SMAP1: variants seen among roughly 807,000 people sequenced by gnomAD.
The protein encoded by SMAP1 is stromal membrane-associated protein 1.
Under a neutral mutation model 58.5 loss-of-function variants are expected in SMAP1, and 24 were observed. The observed-to-expected ratio is 0.41, with a 90% CI of 0.30 to 0.58. The LOEUF (loss-of-function observed/expected upper bound fraction) is 0.58, where lower values mean the gene tolerates loss of function less well. Ranked by LOEUF, SMAP1 falls within the 20% of genes least tolerant of loss-of-function variation. SMAP1 has a pLI of 0.29. For synonymous variants in SMAP1, 216 were observed against 196.6 expected, an observed-to-expected ratio of 1.10 and a Z score of -0.82; for missense variants, 563 against 566.3, an observed-to-expected ratio of 0.99 and a Z score of 0.06.
chr6:70,799,803 A>G (rs1450792394), intron 6 of SMAP1, among the ~76,000 whole-genome samples: 3 of 152,220 alleles, frequency 2.0e-5, no homozygotes, highest in South Asian at 2.1e-4. Flanking sequence ...GAATTTCTGC[A>G]TCATAAAGTA....
intron 2 of SMAP1, among the ~76,000 whole-genome samples, chr6:70,748,958 A>T (rs1458999821): frequency 1.3e-5 from 2 of 152,016 alleles, no homozygotes; most frequent in Non-Finnish European, 1.5e-5. Flanking sequence ...CATAGGTAGG[A>T]CTCTTCTTTC....
intron 1 of SMAP1, among the ~76,000 whole-genome samples, chr6:70,720,238 C>T (rs1768461476): frequency 6.6e-6 from 1 of 152,160 alleles, no homozygotes; most frequent in South Asian, 2.1e-4. Context: ...TCCAGCAGAG[C>T]AGTCAAATTT....
At chr6:70,816,358 G>A (rs1287202276) in intron 6 of SMAP1, among the ~76,000 whole-genome samples, 10 of 152,112 alleles carry the variant, frequency 6.6e-5, no homozygotes, top group Non-Finnish European at 4.4e-5. Flanking sequence ...CTTCATTTTA[G>A]TAAGATGAAA....
chr6:70,841,324 G>A (rs780253038), intron 7 of SMAP1, among the ~76,000 whole-genome samples: 3 of 152,150 alleles, frequency 2.0e-5, no homozygotes, highest in African/African-American at 4.8e-5. Flanking sequence ...GAGCAGCCTG[G>A]TTCCTTGTCA....
chr6:70,856,156 T>C (rs1176284918), intron 8 of SMAP1, among the ~76,000 whole-genome samples: 1 of 152,256 alleles, frequency 6.6e-6, no homozygotes, highest in Non-Finnish European at 1.5e-5. Flanking sequence ...GTTTAGTGAC[T>C]ACGGAGATGA....
At chr6:70,858,351 A>T in intron 10 of SMAP1, 122 bp downstream of exon 10, 2 of 814,180 alleles carry the variant, frequency 2.5e-6, no homozygotes, top group Non-Finnish European at 3.6e-6. Flanking sequence ...TTCAATAGGG[A>T]TAATATGTTA....
rs68188898 is a variant in SMAP1 at position 70,858,287 on chromosome 6, C to CT, written c.1269+86dup. 9.9e-3 allele frequency: 2,880 copies of CT among 290,018 alleles called. 151 individuals are homozygous for CT. The highest frequency in any genetic ancestry group is 0.064 in the African/African-American group (1,473 of 23,048). 18.0% of individuals were successfully genotyped at this position (290,018 alleles called of 1,614,324 possible). ...ATCAAACCAGATTTATTTTCTAAAT[C>CT]TTTTTTTTTTTTTTTTTTTTTTTTT... is the stretch of plus-strand genomic sequence containing the variant. On this transcript the variant is annotated intron_variant, in intron 10 of 10. Transcript: ENST00000370455.
At chr6:70,790,358 C>T (rs1478743957) in intron 4 of SMAP1, among the ~76,000 whole-genome samples, 3 of 152,052 alleles carry the variant, frequency 2.0e-5, no homozygotes, top group African/African-American at 7.2e-5. Context: ...AGGCTGGTCT[C>T]GAACTCCTGA....
intron 1 of SMAP1, among the ~76,000 whole-genome samples, chr6:70,674,148 G>T (rs942492093): frequency 6.6e-6 from 1 of 151,016 alleles, no homozygotes; most frequent in Non-Finnish European, 1.5e-5. Flanking sequence ...TTGGTACAGG[G>T]TCTCACTCTG....
At chr6:70,674,696 G>A (rs540944868) in intron 1 of SMAP1, among the ~76,000 whole-genome samples, 26 of 152,116 alleles carry the variant, frequency 1.7e-4, no homozygotes, top group African/African-American at 6.0e-4. Flanking sequence ...TTTGGATGCC[G>A]GGTGCAGTGG....
intron 1 of SMAP1, among the ~76,000 whole-genome samples, chr6:70,685,869 A>G (rs1044679655): frequency 6.6e-6 from 1 of 152,150 alleles, no homozygotes. Flanking sequence ...CAGAACAGAG[A>G]AGCCTTGGGA....
chr6:70,759,787 G>T, intron 3 of SMAP1: 1 of 356,574 alleles, frequency 2.8e-6, no homozygotes, highest in Non-Finnish European at 5.7e-6. Flanking sequence ...ATAGTGAATT[G>T]ATTGGTGTCT....
At position 70,793,711 on chromosome 6, in the gene SMAP1, T is replaced by TTTTA. The variant is rs202039044; in HGVS notation, c.495+1962_495+1965dup. Among the ~76,000 whole-genome samples, 363 of 151,684 alleles carry TTTTA rather than the reference T, an allele frequency of 2.4e-3. 1 individual carries two copies. Among genetic ancestry groups the TTTTA allele is most frequent in the African/African-American group, 8.1e-3 (335 of 41,364 alleles). ...TTTGGAAACTATGTCTTTATTTTAT[T>TTTTA]TTTATTTATTTATTTATTTATTTTT... On this transcript the variant is annotated intron_variant, in intron 5 of 10. Coordinates refer to ENST00000370455, the MANE Select transcript of SMAP1 (RefSeq NM_001044305.3).
intron 1 of SMAP1, among the ~76,000 whole-genome samples, chr6:70,676,212 A>G (rs1336991920): frequency 1.3e-5 from 2 of 152,242 alleles, no homozygotes; most frequent in Non-Finnish European, 2.9e-5. Context: ...CGATGAGTAC[A>G]ACTGTATATT....
At chr6:70,731,088 C>T (rs1255428292) in intron 1 of SMAP1, among the ~76,000 whole-genome samples, 3 of 152,250 alleles carry the variant, frequency 2.0e-5, no homozygotes, top group East Asian at 1.9e-4. Flanking sequence ...GCATGAGCCA[C>T]TGTGTCCAGC....
At chr6:70,736,769 G>A (rs573054831) in intron 2 of SMAP1, among the ~76,000 whole-genome samples, 10 of 152,224 alleles carry the variant, frequency 6.6e-5, no homozygotes, top group Non-Finnish European at 1.5e-4. Flanking sequence ...TGCTTCTGCT[G>A]CTTTCTAGTT....
chr6:70,759,036 T>G (rs562336919), intron 3 of SMAP1, among the ~76,000 whole-genome samples: 1 of 152,192 alleles, frequency 6.6e-6, no homozygotes, highest in South Asian at 2.1e-4. Context: ...TCGCTTAGCA[T>G]GTAGGTGATG....
chr6:70,750,264 G>T (rs955077352), intron 2 of SMAP1, among the ~76,000 whole-genome samples: 13 of 152,108 alleles, frequency 8.5e-5, no homozygotes, highest in Admixed American at 5.9e-4. Context: ...TGTTAAAAAT[G>T]AATGAAATCT....
intron 1 of SMAP1, among the ~76,000 whole-genome samples, chr6:70,718,031 A>G (rs752315563): frequency 9.2e-5 from 14 of 152,202 alleles, no homozygotes; most frequent in Non-Finnish European, 1.8e-4. Context: ...TGACTATTTT[A>G]TTAATATTCC....
Sources: allele counts gnomAD v4.1 joint callset (sites outside exome capture counted in the v4.1 genomes callset), GRCh38; gene constraint gnomAD v4.1.1; transcripts MANE v1.5; gene names NCBI Gene and HGNC (gene_info 2026-07-23, HGNC 2026-07-21).